Variants in PKIB observed in about 807,000 individuals in gnomAD.
The protein encoded by PKIB is cAMP-dependent protein kinase inhibitor beta.
In PKIB, 2 loss-of-function variants were observed where a neutral mutation model predicts 4.5. The ratio of observed to expected loss-of-function variants is 0.44; its 90% CI spans 0.18 to 1.39. PKIB has a LOEUF of 1.39. PKIB is among the 40% of genes most tolerant of loss of function. The probability of loss-of-function intolerance (pLI) is 0.27; values close to 1 mark genes in which losing one functional copy is unlikely to be tolerated. For synonymous variants in PKIB, 38 were observed against 36.0 expected, an observed-to-expected ratio of 1.06 and a Z score of -0.20; for missense variants, 94 against 92.6, an observed-to-expected ratio of 1.02 and a Z score of -0.06.
chr6:122,719,879 T>C (rs964029805), intron 4 of PKIB, among the ~76,000 whole-genome samples: 6 of 152,118 alleles, frequency 3.9e-5, no homozygotes, highest in African/African-American at 1.4e-4. Flanking sequence ...ATAATTTTTA[T>C]TTGTCAATGA....
intron 2 of PKIB, among the ~76,000 whole-genome samples, chr6:122,655,709 A>G (rs1776751504): frequency 6.6e-6 from 1 of 152,194 alleles, no homozygotes; most frequent in South Asian, 2.1e-4. Context: ...AATTATGGGA[A>G]AAATATATAT....
At chr6:122,628,999 G>A (rs981608391) in intron 1 of PKIB, among the ~76,000 whole-genome samples, 1 of 152,200 alleles carries the variant, frequency 6.6e-6, no homozygotes, top group African/African-American at 2.4e-5. Context: ...TGAGGGCTCA[G>A]TGCAGGTTCT....
intron 3 of PKIB, among the ~76,000 whole-genome samples, chr6:122,597,994 G>A (rs949940781): frequency 6.6e-6 from 1 of 152,172 alleles, no homozygotes. Context: ...TCCCCAAAAT[G>A]TCTAATCATT....
At chr6:122,500,254 A>G (rs1381092095) in intron 2 of PKIB, among the ~76,000 whole-genome samples, 1 of 152,160 alleles carries the variant, frequency 6.6e-6, no homozygotes, top group Admixed American at 6.5e-5. Flanking sequence ...AAAGTACTCA[A>G]CAGGGTTTGA....
Position 122,725,166 on chromosome 6 carries a change from T to C in PKIB, c.208T>C (p.Leu70=), listed in dbSNP as rs776541283. 6.8e-6 allele frequency: 11 copies of C among 1,611,654 alleles called. No individual in the cohort carries two copies. The highest frequency in any genetic ancestry group is 3.4e-5 in the Admixed American group (2 of 59,618). ...EKDEKTTQDQ[L]EKPQNEEK is the part of the protein sequence containing the mutation. ...AGATGAAAAAACAACACAAGACCAA[T>C]TGGAAAAGCCTCAAAATGAAGAAAA... The change falls in exon 5 of 5, where the codon TTG becomes CTG. Residue 70 remains leucine, a synonymous_variant. Transcript: ENST00000368452.
chr6:122,700,124 T>A (rs1223166328), intron 3 of PKIB, among the ~76,000 whole-genome samples: 5 of 152,190 alleles, frequency 3.3e-5, no homozygotes, highest in African/African-American at 1.2e-4. Flanking sequence ...TAATATATTT[T>A]GAATTTCCAA....
intron 2 of PKIB, among the ~76,000 whole-genome samples, chr6:122,484,556 T>A (rs1775709778): frequency 6.6e-6 from 1 of 152,190 alleles, no homozygotes; most frequent in South Asian, 2.1e-4. Context: ...AAAGGGGCAG[T>A]CCCAAAGTGA....
chr6:122,667,084 G>C (rs1777249161), intron 2 of PKIB, among the ~76,000 whole-genome samples: 3 of 152,098 alleles, frequency 2.0e-5, no homozygotes, highest in African/African-American at 7.2e-5. Context: ...ATTTAACATA[G>C]TTTTCATTGG....
intron 3 of PKIB, among the ~76,000 whole-genome samples, chr6:122,696,805 C>A (rs1582821336): frequency 6.6e-6 from 1 of 152,210 alleles, no homozygotes; most frequent in African/African-American, 2.4e-5. Flanking sequence ...GGACACATTG[C>A]AGCTCAGTGA....
At chr6:122,661,088 T>G (rs1004069911) in intron 2 of PKIB, among the ~76,000 whole-genome samples, 1 of 152,142 alleles carries the variant, frequency 6.6e-6, no homozygotes, top group Non-Finnish European at 1.5e-5. Flanking sequence ...ATCAAAATGC[T>G]ACAAGAATAA....
chr6:122,572,808 G>A (rs1181958665), intron 2 of PKIB, among the ~76,000 whole-genome samples: 2 of 151,956 alleles, frequency 1.3e-5, no homozygotes, highest in Middle Eastern at 3.2e-3. Flanking sequence ...AGATACTACA[G>A]AAATAAAAAA....
chr6:122,611,228 A>T (rs1405504826), intron 1 of PKIB, among the ~76,000 whole-genome samples: 1 of 152,188 alleles, frequency 6.6e-6, no homozygotes, highest in African/African-American at 2.4e-5. Flanking sequence ...CCTTGGGGAA[A>T]TTCCTGAAGG....
intron 2 of PKIB, among the ~76,000 whole-genome samples, chr6:122,487,430 G>A (rs1775800598): frequency 1.3e-5 from 2 of 152,162 alleles, no homozygotes; most frequent in Non-Finnish European, 2.9e-5. Flanking sequence ...TTCATACATT[G>A]AAACCTAATC....
intron 2 of PKIB, among the ~76,000 whole-genome samples, chr6:122,637,982 C>T (rs957648717): frequency 1.3e-5 from 2 of 152,074 alleles, no homozygotes; most frequent in African/African-American, 4.8e-5. Context: ...CTTGAGTAAT[C>T]TCTGAATTAA....
intron 1 of PKIB, among the ~76,000 whole-genome samples, chr6:122,612,949 G>A (rs1774822436): frequency 6.6e-6 from 1 of 152,100 alleles, no homozygotes; most frequent in Non-Finnish European, 1.5e-5. Context: ...CATATATGAT[G>A]TTATATGTAT....
intron 2 of PKIB, among the ~76,000 whole-genome samples, chr6:122,553,606 T>A (rs1772755798): frequency 6.6e-6 from 1 of 151,726 alleles, no homozygotes; most frequent in Non-Finnish European, 1.5e-5. Context: ...TCCCTGAGTT[T>A]ACAGTGAACC....
chr6:122,695,110 T>TA (rs1440349425), intron 3 of PKIB, among the ~76,000 whole-genome samples: 14 of 152,236 alleles, frequency 9.2e-5, no homozygotes, highest in Non-Finnish European at 1.5e-4. Flanking sequence ...TCAAGTGCAT[T>TA]AAAAAATCTA....
chr6:122,643,719 A>C (rs1776203885), intron 2 of PKIB: 5 of 152,230 alleles, frequency 3.3e-5, no homozygotes, highest in Admixed American at 2.0e-4. Flanking sequence ...GTCTTTAAAA[A>C]ATCAAATTTC....
At chr6:122,673,785 A>G (rs1210845675) in intron 2 of PKIB, among the ~76,000 whole-genome samples, 1 of 152,208 alleles carries the variant, frequency 6.6e-6, no homozygotes, top group Non-Finnish European at 1.5e-5. Context: ...CCATGCCCTC[A>G]AAAGGCTTAA....
Sources: gnomAD v4.1 joint callset for allele counts (sites outside exome capture counted in the v4.1 genomes callset) on GRCh38, gnomAD v4.1.1 for gene constraint, MANE v1.5 for transcripts, NCBI Gene and HGNC (gene_info 2026-07-23, HGNC 2026-07-21) for gene names.